The following VWDE variants were observed in gnomAD, a reference collection of about 807,000 sequenced individuals.
VWDE encodes von Willebrand factor D and EGF domain-containing protein.
Under a neutral mutation model 178.4 loss-of-function variants are expected in VWDE, and 207 were observed. That is an observed-to-expected ratio of 1.16 (90% CI 1.04 to 1.30). The LOEUF (loss-of-function observed/expected upper bound fraction) is 1.30, where lower values mean the gene tolerates loss of function less well. Among genes scored for constraint, VWDE ranks in the 50% most tolerant of loss-of-function variants. The probability of loss-of-function intolerance (pLI) is 0.00; values close to 1 mark genes in which losing one functional copy is unlikely to be tolerated. For missense variants in VWDE, 2,287 were observed against 1,901.3 expected, an observed-to-expected ratio of 1.20 and a Z score of -3.77; for synonymous variants, 738 against 651.4, an observed-to-expected ratio of 1.13 and a Z score of -2.02.
At chr7:12,367,592 A>T in intron 12 of VWDE, 99 bp from the exon 13 acceptor site, 1 of 1,069,576 alleles carries the variant, frequency 9.3e-7, no homozygotes, top group South Asian at 2.0e-5. Flanking sequence ...TATGGAAAAT[A>T]ATATTTTAAA....
chr7:12,370,037 C>T lies in VWDE; in HGVS notation c.2269G>A (p.Glu757Lys). The change falls in exon 12 of 29, where the codon GAG becomes AAG. Residue 757 changes from glutamate (E) to lysine (K), a missense_variant. By Grantham distance (56) the Glu-to-Lys change is moderately conservative. Transcript: ENST00000275358. ...GGGAAAGCAAACAAAGGAGGAAACTCATGAAAGTTCTGCCGTTTCCATCTG... is the reference window on the plus strand; with the variant it reads ...GGGAAAGCAAACAAAGGAGGAAACTTATGAAAGTTCTGCCGTTTCCATCTG... Reference protein sequence around the residue: ...QNRWKRQNFHEFPPLFAFPSL... With the variant: ...QNRWKRQNFHKFPPLFAFPSL... The T allele has an allele frequency of 6.4e-7, 1 of 1,551,540 alleles. No homozygotes were observed. The highest frequency in any genetic ancestry group is 8.7e-7 in the Non-Finnish European group (1 of 1,146,902).
chr7:12,372,881 C>T (rs1783282690), intron 10 of VWDE, 96 bp downstream of exon 10: 1 of 1,233,622 alleles, frequency 8.1e-7, no homozygotes, highest in African/African-American at 1.5e-5. Context: ...CTTAAACAAA[C>T]TAATGTTGAA....
chr7:12,382,837 A>T (rs1162738020), intron 4 of VWDE, among the ~76,000 whole-genome samples: 2 of 151,954 alleles, frequency 1.3e-5, no homozygotes, highest in Non-Finnish European at 2.9e-5. Flanking sequence ...TACTTAGAGT[A>T]ATTTATTTTA....
rs1341120419 is a variant in VWDE, at chr7:12,389,251, C to T, written c.351G>A (p.Gln117=). Residue 117 remains glutamine, a synonymous_variant, in exon 3 of 29, where the codon CAG becomes CAA. Transcript: ENST00000275358. ...AGTCTTTTGTAGTGCTGAACAAAAA[C>T]TGCCATGTTGCACAAGCTGTCAATT... ...IKQLTACATW[Q]FLFSTTKDCC... is the part of the protein sequence containing the mutation. 1.9e-6 allele frequency: 3 copies of T among 1,551,680 alleles called. No individual in the cohort carries two copies. The highest frequency in any genetic ancestry group is 2.0e-5 in the Admixed American group (1 of 50,990).
chr7:12,357,173 A>G (rs2128552115), intron 17 of VWDE, 92 bp downstream of exon 17: 7 of 1,434,220 alleles, frequency 4.9e-6, no homozygotes, highest in East Asian at 2.5e-5. Context: ...GTTGCTCTTT[A>G]CAACTAGCAA....
chr7:12,397,112 A>C (rs1784666210), intron 1 of VWDE, among the ~76,000 whole-genome samples: 1 of 152,168 alleles, frequency 6.6e-6, no homozygotes, highest in Admixed American at 6.5e-5. Context: ...CCAATAGCAA[A>C]AGCAATCTTA....
At chr7:12,388,847 G>T (rs1784230473) in intron 3 of VWDE, 2 of 579,448 alleles carry the variant, frequency 3.5e-6, no homozygotes, top group Admixed American at 2.4e-5. Flanking sequence ...TGGACTTGAG[G>T]AAACCAAAGA....
chr7:12,364,594 C>T (rs1782760797), intron 13 of VWDE, among the ~76,000 whole-genome samples: 1 of 152,048 alleles, frequency 6.6e-6, no homozygotes, highest in African/African-American at 2.4e-5. Context: ...TCTACACTGG[C>T]ATGAGTAAAT....
chr7:12,388,389 A>AT (rs60615073), intron 3 of VWDE, among the ~76,000 whole-genome samples: 15 of 150,710 alleles, frequency 1.0e-4, no homozygotes, highest in Admixed American at 1.3e-4. Context: ...AAATTAGTAG[A>AT]TTTTTTTTTT....
chr7:12,379,681 A>G (rs1172262177), intron 5 of VWDE, 115 bp from the exon 6 acceptor site: 1 of 615,882 alleles, frequency 1.6e-6, no homozygotes, highest in East Asian at 3.1e-5. Context: ...TAAAGATAAT[A>G]AAAGAATTAA....
chr7:12,382,876 A>G (rs1260084458), intron 4 of VWDE, among the ~76,000 whole-genome samples: 1 of 151,896 alleles, frequency 6.6e-6, no homozygotes, highest in Non-Finnish European at 1.5e-5. Flanking sequence ...GGATTTCTTA[A>G]TATTTGAAAA....
chr7:12,377,791 T>C lies in VWDE; in HGVS notation c.1009A>G (p.Lys337Glu), dbSNP rs1308589962. 9.4e-6 allele frequency: 14 copies of C among 1,495,346 alleles called. No homozygotes were observed. The highest frequency in any genetic ancestry group is 1.4e-5 in the African/African-American group (1 of 70,856). The allele number at this position is 1,495,346 out of a possible 1,614,324, so 92.6% of individuals were successfully genotyped here. A position where few individuals can be genotyped will look rare whatever the true frequency, so the allele number is the denominator to read the frequency against. ...AGTATATTACCTTGACCAATAGTTTTCAGTTTTAATGAGATTTTGCATTCT... is the reference window on the plus strand; with the variant it reads ...AGTATATTACCTTGACCAATAGTTTCCAGTTTTAATGAGATTTTGCATTCT... Reference protein sequence around the residue: ...DQECKISLKLKTIGQGREHLG... With the variant: ...DQECKISLKLETIGQGREHLG... The change falls in exon 7 of 29, where the codon AAA becomes GAA. Residue 337 changes from lysine (K) to glutamate (E), a missense_variant. Coordinates refer to ENST00000275358, the MANE Select transcript of VWDE (RefSeq NM_001135924.3).
rs1441221829 is a variant in VWDE at position 12,370,130 on chromosome 7, A to G, written c.2176T>C (p.Leu726=). 1 of 1,551,500 alleles carries G rather than the reference A, an allele frequency of 6.4e-7. No homozygotes were observed. Among genetic ancestry groups the G allele is most frequent in the Non-Finnish European group, 8.7e-7 (1 of 1,146,892 alleles). ...GNEKEDSLQY[L]ANKKYTQGRG... Reference sequence around the variant, plus strand: ...CCTTGTGTATATTTCTTATTGGCCAAATATTGTAGTGAATCTTCTTTCTCA... The same window carrying G: ...CCTTGTGTATATTTCTTATTGGCCAGATATTGTAGTGAATCTTCTTTCTCA... Residue 726 remains leucine, a synonymous_variant, in exon 12 of 29, where the codon TTG becomes CTG. Transcript: ENST00000275358.
At chr7:12,358,355 C>A (rs1338264481) in intron 16 of VWDE, among the ~76,000 whole-genome samples, 1 of 131,794 alleles carries the variant, frequency 7.6e-6, no homozygotes, top group African/African-American at 3.0e-5. Context: ...GCCTGGGAGA[C>A]AGAATGAGAT....
intron 9 of VWDE, 91 bp downstream of exon 9, chr7:12,374,598 T>A (rs1583323018): frequency 2.2e-6 from 2 of 916,496 alleles, no homozygotes; most frequent in East Asian, 2.9e-5. Context: ...TGACTAGGAC[T>A]AAAAAATTAT....
At chr7:12,355,260 C>G (rs921969625) in intron 18 of VWDE, among the ~76,000 whole-genome samples, 1 of 151,720 alleles carries the variant, frequency 6.6e-6, no homozygotes, top group African/African-American at 2.4e-5. Flanking sequence ...ACTAAAAATA[C>G]AAAAAAATTA....
At position 12,385,624 on chromosome 7, in the gene VWDE, C is replaced by T. The variant is rs546467717; in HGVS notation, c.476-2023G>A. ...GCCAAATTGCCATCAGCAGAGAACACCTGCTCCAGATATTTGTTCAGTAAG... is the reference window on the plus strand; with the variant it reads ...GCCAAATTGCCATCAGCAGAGAACATCTGCTCCAGATATTTGTTCAGTAAG... On this transcript the variant is annotated intron_variant, in intron 3 of 28. Transcript: ENST00000275358. Among the ~76,000 whole-genome samples the T allele has an allele frequency of 6.8e-4, 104 of 152,278 alleles. 1 individual carries two copies. The highest frequency in any genetic ancestry group is 3.4e-3 in the Middle Eastern group (1 of 294).
intron 18 of VWDE, among the ~76,000 whole-genome samples, chr7:12,353,424 G>GA (rs926616240): frequency 6.6e-6 from 1 of 151,454 alleles, no homozygotes; most frequent in African/African-American, 2.4e-5. Context: ...AAATTTTGGG[G>GA]GGACGCAGTT....
chr7:12,393,227 T>C (rs1293147032), intron 2 of VWDE, among the ~76,000 whole-genome samples: 2 of 152,190 alleles, frequency 1.3e-5, no homozygotes, highest in African/African-American at 2.4e-5. Context: ...ACCTGAGCCC[T>C]GGAGAACGAC....
Sources: allele counts gnomAD v4.1 joint callset (sites outside exome capture counted in the v4.1 genomes callset), GRCh38; gene constraint gnomAD v4.1.1; transcripts MANE v1.5; gene names NCBI Gene and HGNC (gene_info 2026-07-23, HGNC 2026-07-21).